The following MTM1 variants were observed in gnomAD, a reference collection of about 807,000 sequenced individuals.
MTM1 encodes myotubularin 1.
A neutral mutation model predicts 52.1 loss-of-function variants in MTM1; 9 were observed. That is an observed-to-expected ratio of 0.17 (90% confidence interval 0.10 to 0.30). MTM1 has a LOEUF of 0.30. Ranked by LOEUF, MTM1 falls within the 10% of genes least tolerant of loss-of-function variation. The pLI is 1.00. For missense variants in MTM1, 277 were observed against 470.7 expected, an observed-to-expected ratio of 0.59 and a Z score of 3.81; for synonymous variants, 136 against 163.8, an observed-to-expected ratio of 0.83 and a Z score of 1.29.
rs189095357 is a variant in MTM1 at position 150,606,335 on chromosome X, C to T, written c.231+7649C>T. Among the ~76,000 whole-genome samples, 672 of 112,074 alleles carry T rather than the reference C, an allele frequency of 6.0e-3. 5 individuals are homozygous for T. Among genetic ancestry groups the T allele is most frequent in the African/African-American group, 0.021 (646 of 30,826 alleles). ...TACCCTTGGTTCCTTTGTCCCTTGT[C>T]CCCATGCTAATCCCCAAACTTTAGG... On this transcript the variant is annotated intron_variant, in intron 4 of 14. Coordinates refer to ENST00000370396, the MANE Select transcript of MTM1 (RefSeq NM_000252.3).
intron 6 of MTM1, among the ~76,000 whole-genome samples, chrX:150,629,381 G>T (rs1270873435): frequency 1.8e-5 from 2 of 111,919 alleles, no homozygotes; most frequent in Non-Finnish European, 3.8e-5. Flanking sequence ...AGCCCCATCT[G>T]TCAAGAAGTT....
In MTM1 at chrX:150,579,005, G is replaced by A. The variant is rs2038525298; in HGVS notation, c.-11+10343G>A. Reference sequence around the variant, plus strand: ...TCTTTGATCCGTGAGCATGCGATATGTATCTATATATCTCTATCTATCTAT... The same window carrying A: ...TCTTTGATCCGTGAGCATGCGATATATATCTATATATCTCTATCTATCTAT... On this transcript the variant is annotated intron_variant, in intron 1 of 14. Transcript: ENST00000370396. 3.6e-5 allele frequency among the ~76,000 whole-genome samples: 3 copies of A among 82,322 alleles called. No homozygotes were observed. In the South Asian group the frequency reaches 2.3e-3, roughly 63 times the overall value. 71.5% of individuals were successfully genotyped at this position (82,322 alleles called of 115,157 possible). A position where few individuals can be genotyped will look rare whatever the true frequency, so the allele number is the denominator to read the frequency against.
chrX:150,615,107 G>A (rs782321349), intron 5 of MTM1, among the ~76,000 whole-genome samples: 5 of 111,678 alleles, frequency 4.5e-5, no homozygotes, highest in South Asian at 3.8e-4. Flanking sequence ...AATAACCTTC[G>A]TAACTTTTGC....
Position 150,611,904 on chromosome X carries a change from G to A in MTM1, c.232-2685G>A, listed in dbSNP as rs782153320. Among the ~76,000 whole-genome samples, 12 of 112,158 alleles carry A rather than the reference G, an allele frequency of 1.1e-4. No individual in the cohort carries two copies. The East Asian group carries it at 3.4e-3, about 31-fold the overall frequency. ...TATAATACCTTACCTTTTAAGATTG[G>A]CATTTCTCAGCCAAGTGTGGTGGCC... On this transcript the variant is annotated intron_variant, in intron 4 of 14. Coordinates refer to ENST00000370396, the MANE Select transcript of MTM1 (RefSeq NM_000252.3).
At chrX:150,657,735 A>G in intron 10 of MTM1, 86 bp from the exon 11 acceptor site, 1 of 896,338 alleles carries the variant, frequency 1.1e-6, no homozygotes, top group East Asian at 3.1e-5. Flanking sequence ...AATATTTTAA[A>G]GCATGGCTTT....
intron 1 of MTM1, among the ~76,000 whole-genome samples, chrX:150,573,507 T>G (rs1557411527): frequency 8.9e-6 from 1 of 112,681 alleles, no homozygotes. Context: ...CTTTAGCATG[T>G]GATAATTGTT....
At chrX:150,633,951 C>T (rs923278013) in intron 6 of MTM1, among the ~76,000 whole-genome samples, 1 of 112,437 alleles carries the variant, frequency 8.9e-6, no homozygotes, top group Non-Finnish European at 1.9e-5. Flanking sequence ...ACGAGAATTG[C>T]TTGAACCCAG....
intron 6 of MTM1, among the ~76,000 whole-genome samples, chrX:150,620,827 C>A (rs1763130973): frequency 9.0e-6 from 1 of 111,370 alleles, no homozygotes; most frequent in South Asian, 3.8e-4. Flanking sequence ...GTCTGAGAAT[C>A]ATGAGCTCAT....
Position 150,640,856 on chromosome X carries a change from T to C in MTM1, c.529-413T>C, listed in dbSNP as rs1019733723. Among the ~76,000 whole-genome samples, 8 of 110,842 alleles carry C rather than the reference T, an allele frequency of 7.2e-5. No individual in the cohort carries two copies. In the Admixed American group the frequency reaches 7.7e-4, roughly 11 times the overall value. ...CTCTATTTTGAGCAGGGAGAGGAAG[T>C]TGCCTGATCTCTTTTCTACCCTCAG... On this transcript the variant is annotated intron_variant, in intron 7 of 14. Transcript: ENST00000370396.
intron 6 of MTM1, among the ~76,000 whole-genome samples, chrX:150,620,304 G>T (rs1557413252): frequency 8.9e-6 from 1 of 111,998 alleles, no homozygotes; most frequent in African/African-American, 3.3e-5. Context: ...CCTTTCTCTG[G>T]TATCTTCTGT....
At chrX:150,621,978 A>G (rs1389899016) in intron 6 of MTM1, among the ~76,000 whole-genome samples, 2 of 111,342 alleles carry the variant, frequency 1.8e-5, no homozygotes, top group African/African-American at 6.5e-5. Flanking sequence ...TCGGGTTAGT[A>G]GAAAGGAAGG....
chrX:150,592,822 T>C, intron 2 of MTM1, 145 bp downstream of exon 2: 1 of 450,360 alleles, frequency 2.2e-6, no homozygotes, highest in Non-Finnish European at 3.8e-6. Flanking sequence ...GGTTTCTTTA[T>C]TGTCTCACCT....
intron 1 of MTM1, among the ~76,000 whole-genome samples, chrX:150,577,807 G>C (rs1189946559): frequency 1.8e-5 from 2 of 112,324 alleles, no homozygotes; most frequent in African/African-American, 6.5e-5. Context: ...CCCCTGTTAT[G>C]GTTTGAGTTT....
At position 150,614,615 on chromosome X, in the gene MTM1, T is replaced by C. The variant is rs782702345; in HGVS notation, c.258T>C (p.Pro86=). 4 of 1,201,099 alleles carry C rather than the reference T, an allele frequency of 3.3e-6. No homozygotes were observed. The South Asian group carries it at 5.3e-5, about 16-fold the overall frequency. ...ETDSSLILDV[P]LGVISRIEKM... ...ATTCTTCTCTAATACTTGATGTTCC[T>C]CTGGGTGTGATCTCGAGAATTGAAA... The change falls in exon 5 of 15, where the codon CCT becomes CCC. Residue 86 remains proline (P), a synonymous_variant. Transcript: ENST00000370396.
chrX:150,592,547 CAT>C (rs1285110867), intron 1 of MTM1, 56 bp from the exon 2 acceptor site: 135 of 897,375 alleles, frequency 1.5e-4, no homozygotes, highest in Middle Eastern at 2.7e-4. Flanking sequence ...TCAGATGTCA[CAT>C]ATGTTTGAAA....
At chrX:150,671,396 AAAGTGTAACTC>A (rs1557415127) in intron 14 of MTM1, 21 bp from the exon 15 acceptor site, 10 of 1,209,039 alleles carry the variant, frequency 8.3e-6, no homozygotes, top group Non-Finnish European at 1.1e-5. Flanking sequence ...TGCGTGGCAT[AAAGTGTAACTC>A]AAGTCTCTGG....
intron 8 of MTM1, 131 bp downstream of exon 8, chrX:150,641,549 CAAAGTACCATACCAGACTGGAGAAG>C (rs1418531927): frequency 2.6e-6 from 2 of 777,016 alleles, no homozygotes; most frequent in Non-Finnish European, 3.8e-6. Flanking sequence ...TTTGTGAGTA[CAAAGTACCATACCAGACTGGAGAAG>C]AAGTGTGCCG....
rs782739927 is a variant in MTM1 at position 150,642,546 on chromosome X, TG to T, written c.678+1129del. Among the ~76,000 whole-genome samples, 7 of 112,141 alleles carry T rather than the reference TG, an allele frequency of 6.2e-5. No individual in the cohort carries two copies. The East Asian group carries it at 8.4e-4, about 13-fold the overall frequency. On this transcript the variant is annotated intron_variant, in intron 8 of 14. Transcript: ENST00000370396. ...TGAAAGTATGTTCTTTAGCTCATGT[TG>T]TTAGAACATGATGCTAATGAAGCTA...
At chrX:150,575,740 C>T (rs782440810) in intron 1 of MTM1, among the ~76,000 whole-genome samples, 1 of 112,345 alleles carries the variant, frequency 8.9e-6, no homozygotes, top group South Asian at 3.7e-4. Context: ...ATTGTGTTTA[C>T]TCTAGGTTTT....
Sources: allele counts gnomAD v4.1 joint callset (sites outside exome capture counted in the v4.1 genomes callset), GRCh38; gene constraint gnomAD v4.1.1; transcripts MANE v1.5; gene names NCBI Gene and HGNC (gene_info 2026-07-23, HGNC 2026-07-21).